The following DPP6 variants were observed in gnomAD, a reference collection of about 807,000 sequenced individuals.
DPP6 encodes A-type potassium channel modulatory protein DPP6.
In DPP6, 69 loss-of-function variants were observed where a neutral mutation model predicts 122.6. That is an observed-to-expected ratio of 0.56 (90% CI 0.46 to 0.69). The LOEUF (loss-of-function observed/expected upper bound fraction) is 0.69, where lower values mean the gene tolerates loss of function less well. Ranked by LOEUF, DPP6 falls within the 30% of genes least tolerant of loss-of-function variation. The probability of loss-of-function intolerance (pLI) is 0.00; values close to 1 mark genes in which losing one functional copy is unlikely to be tolerated. For missense variants in DPP6, 928 were observed against 1,116.9 expected, an observed-to-expected ratio of 0.83 and a Z score of 2.41; for synonymous variants, 418 against 433.1, an observed-to-expected ratio of 0.97 and a Z score of 0.43.
At chr7:154,889,043 T>C (rs188372352) in intron 23 of DPP6, among the ~76,000 whole-genome samples, 3 of 152,292 alleles carry the variant, frequency 2.0e-5, no homozygotes, top group Admixed American at 2.0e-4. Flanking sequence ...CTCGTGGGAA[T>C]TATGGGAGCT....
intron 1 of DPP6, among the ~76,000 whole-genome samples, chr7:154,275,516 C>A (rs1379289881): frequency 6.6e-6 from 1 of 152,180 alleles, no homozygotes; most frequent in Non-Finnish European, 1.5e-5. Context: ...TTAAAGATGT[C>A]CTTGTTCCAA....
intron 3 of DPP6, among the ~76,000 whole-genome samples, chr7:154,510,952 A>G (rs963971729): frequency 6.6e-6 from 1 of 151,114 alleles, no homozygotes. Context: ...ACACACACAC[A>G]CACACACACA....
chr7:153,778,645 T>C, the DPP6 span, among the ~76,000 whole-genome samples: 2 of 151,884 alleles, frequency 1.3e-5, no homozygotes, highest in Admixed American at 6.6e-5. Flanking sequence ...AATATACCCT[T>C]GTGCTCTTTT....
chr7:154,108,992 G>A (rs1806362877), intron 1 of DPP6, among the ~76,000 whole-genome samples: 1 of 152,172 alleles, frequency 6.6e-6, no homozygotes, highest in Non-Finnish European at 1.5e-5. Context: ...TGGCACATAT[G>A]CAGGTTTGTT....
intron 1 of DPP6, among the ~76,000 whole-genome samples, chr7:154,301,601 A>T (rs1200021950): frequency 1.3e-5 from 2 of 152,104 alleles, no homozygotes; most frequent in Non-Finnish European, 2.9e-5. Context: ...AGGCAGATTT[A>T]GTTTTGATCT....
At chr7:154,529,529 G>A (rs77619558) in intron 3 of DPP6, among the ~76,000 whole-genome samples, 4,186 of 152,208 alleles carry the variant, frequency 0.028, 92 homozygotes, top group South Asian at 0.083. Context: ...CAAATAACCA[G>A]GAAAGTGGAA....
chr7:154,193,401 G>T (rs1304650283), intron 1 of DPP6, among the ~76,000 whole-genome samples: 1 of 152,210 alleles, frequency 6.6e-6, no homozygotes, highest in Non-Finnish European at 1.5e-5. Flanking sequence ...TGGGATATCT[G>T]TTAGAGCCCC....
chr7:154,691,560 G>A (rs2131218470), intron 7 of DPP6, among the ~76,000 whole-genome samples: 1 of 152,352 alleles, frequency 6.6e-6, no homozygotes, highest in Middle Eastern at 3.4e-3. Context: ...GCTCACTCCT[G>A]TAATCTCAGC....
intron 1 of DPP6, among the ~76,000 whole-genome samples, chr7:154,424,836 T>A (rs1817758669): frequency 6.6e-6 from 1 of 152,164 alleles, no homozygotes; most frequent in Admixed American, 6.5e-5. Context: ...GCTCTTCTCA[T>A]TTGCAAGTTG....
At chr7:154,876,307 C>T in intron 20 of DPP6, 1 of 922,724 alleles carries the variant, frequency 1.1e-6, no homozygotes, top group East Asian at 3.1e-5. Flanking sequence ...AACTAGTTTT[C>T]CCACTGCAGG....
chr7:154,633,118 T>C (rs1835506815), intron 5 of DPP6, among the ~76,000 whole-genome samples: 1 of 152,248 alleles, frequency 6.6e-6, no homozygotes, highest in Non-Finnish European at 1.5e-5. Flanking sequence ...TTCATGAACT[T>C]CTAAAAAATG....
At chr7:154,225,142 AAAAT>A (rs776243291) in intron 1 of DPP6, among the ~76,000 whole-genome samples, 9 of 152,178 alleles carry the variant, frequency 5.9e-5, no homozygotes, top group Non-Finnish European at 5.9e-5. Flanking sequence ...ACTCTGTCTC[AAAAT>A]AAATAAATAA....
the DPP6 span, among the ~76,000 whole-genome samples, chr7:153,749,685 G>T: frequency 2.0e-5 from 3 of 152,114 alleles, no homozygotes; most frequent in African/African-American, 7.2e-5. This position sits in a 1 kb window ranked among gnomAD's most constrained non-coding sequence, Gnocchi z 4.1. Context: ...GATTTCGCAC[G>T]GATCCTGTGG....
intron 3 of DPP6, among the ~76,000 whole-genome samples, chr7:154,522,487 G>T (rs1202039865): frequency 6.6e-6 from 1 of 152,156 alleles, no homozygotes; most frequent in Admixed American, 6.5e-5. Context: ...TCCAGGTCTC[G>T]GGAGCACGTC....
Position 154,491,388 on chromosome 7 carries a change from C to A in DPP6, c.457+16351C>A, listed in dbSNP as rs572822175. ...TCGGAAAATCCTTACTCCCTGATTGCTCAGATCCCACAGATGAGCCTAGAA... is the reference window on the plus strand; with the variant it reads ...TCGGAAAATCCTTACTCCCTGATTGATCAGATCCCACAGATGAGCCTAGAA... On this transcript the variant is annotated intron_variant, in intron 3 of 25. Transcript: ENST00000377770. 6.6e-5 allele frequency among the ~76,000 whole-genome samples: 10 copies of A among 152,304 alleles called. No homozygotes were observed. The South Asian group carries it at 2.1e-3, about 32-fold the overall frequency.
intron 3 of DPP6, among the ~76,000 whole-genome samples, chr7:154,531,738 A>G (rs1827853275): frequency 6.6e-6 from 1 of 152,150 alleles, no homozygotes; most frequent in Non-Finnish European, 1.5e-5. Flanking sequence ...AATTATGTTG[A>G]TGTAATACAC....
intron 1 of DPP6, among the ~76,000 whole-genome samples, chr7:154,237,532 C>T (rs919247811): frequency 6.6e-6 from 1 of 152,214 alleles, no homozygotes; most frequent in Non-Finnish European, 1.5e-5. Flanking sequence ...GCCTGGCCCC[C>T]TGTTGACCTC....
the DPP6 span, among the ~76,000 whole-genome samples, chr7:153,772,424 A>C: frequency 6.6e-6 from 1 of 152,198 alleles, no homozygotes; most frequent in Non-Finnish European, 1.5e-5. Flanking sequence ...TGATTAATTA[A>C]TAATGCATAT....
At chr7:154,242,936 G>A (rs973942742) in intron 1 of DPP6, among the ~76,000 whole-genome samples, 7 of 152,192 alleles carry the variant, frequency 4.6e-5, no homozygotes, top group African/African-American at 1.7e-4. Flanking sequence ...CTCCAGCTCA[G>A]CCAGAATGGA....
Sources: allele counts gnomAD v4.1 joint callset (sites outside exome capture counted in the v4.1 genomes callset), GRCh38; gene constraint gnomAD v4.1.1; non-coding constraint Gnocchi (gnomAD v3.1); transcripts MANE v1.5; gene names NCBI Gene and HGNC (gene_info 2026-07-23, HGNC 2026-07-21).